The following GUCY1B1 variants were observed in gnomAD, a reference collection of about 807,000 sequenced individuals.
GUCY1B1 encodes guanylate cyclase soluble subunit beta-1.
GUCY1B1 carries 43 observed loss-of-function variants against 71.0 expected under a neutral mutation model. The observed-to-expected ratio is 0.61, with a 90% CI of 0.47 to 0.78. The LOEUF (loss-of-function observed/expected upper bound fraction) is 0.78. GUCY1B1 is among the 30% of genes least tolerant of loss of function. The probability of loss-of-function intolerance (pLI) is 0.00; values close to 1 mark genes in which losing one functional copy is unlikely to be tolerated. For missense variants in GUCY1B1, 535 were observed against 754.1 expected, an observed-to-expected ratio of 0.71 and a Z score of 3.40; for synonymous variants, 266 against 259.7, an observed-to-expected ratio of 1.02 and a Z score of -0.23.
chr4:155,776,260 T>C (rs1738034665), intron 3 of GUCY1B1, among the ~76,000 whole-genome samples: 1 of 152,214 alleles, frequency 6.6e-6, no homozygotes, highest in African/African-American at 2.4e-5. Context: ...AAATAAATTA[T>C]TAGATCTCTT....
At position 155,774,431 on chromosome 4, in the gene GUCY1B1, G is replaced by A. The variant is rs183672703; in HGVS notation, c.78-537G>A. Among the ~76,000 whole-genome samples the A allele has an allele frequency of 2.1e-3, 321 of 152,138 alleles. 3 individuals carry two copies. The highest frequency in any genetic ancestry group is 2.9e-3 in the Non-Finnish European group (196 of 68,002). ...CCAGCTTCTCAGTGAGGCCTTCCTG[G>A]CTGCTGTCCTTGAGCTCTCCACTGC... On this transcript the variant is annotated intron_variant, in intron 2 of 13. Transcript: ENST00000264424.
At chr4:155,773,611 C>A (rs1230277861) in intron 2 of GUCY1B1, among the ~76,000 whole-genome samples, 1 of 152,184 alleles carries the variant, frequency 6.6e-6, no homozygotes, top group Admixed American at 6.5e-5. Flanking sequence ...TCCAACAAGT[C>A]TTTCCCAATT....
intron 4 of GUCY1B1, among the ~76,000 whole-genome samples, chr4:155,787,918 T>A (rs1738906220): frequency 6.6e-6 from 1 of 152,228 alleles, no homozygotes; most frequent in South Asian, 2.1e-4. Flanking sequence ...TTGGCATATC[T>A]CCAGTACTTT....
chr4:155,786,759 C>T (rs1213963420), intron 4 of GUCY1B1, among the ~76,000 whole-genome samples: 3 of 151,660 alleles, frequency 2.0e-5, no homozygotes, highest in African/African-American at 4.8e-5. Context: ...AGGTGTGAGG[C>T]ACCGCGCCTG....
At chr4:155,777,344 G>A (rs954222715) in intron 3 of GUCY1B1, among the ~76,000 whole-genome samples, 180 bp from the exon 4 acceptor site, 3 of 152,094 alleles carry the variant, frequency 2.0e-5, no homozygotes, top group African/African-American at 7.2e-5. Flanking sequence ...ATGTTTATAC[G>A]TTGTCTTCTC....
At chr4:155,793,771 T>C (rs1038203588) in intron 5 of GUCY1B1, 85 bp from the exon 6 acceptor site, 3 of 656,930 alleles carry the variant, frequency 4.6e-6, no homozygotes. Flanking sequence ...CTAAATGCAG[T>C]ATTCATAACT....
Position 155,803,630 on chromosome 4 carries a change from A to T in GUCY1B1, c.1420A>T (p.Thr474Ser). ...RKNPFVYKVE[T>S]VGDKYMTVSG... ...TAAATATATGTACTGTTAGGTGGAG[A>T]CTGTTGGTGACAAGTATATGACAGT... The change falls in exon 11 of 14, where the codon ACT becomes TCT. Residue 474 changes from threonine to serine, a missense_variant. Physicochemically the swap from Thr to Ser is moderately conservative, Grantham distance 58 (BLOSUM62 1). Transcript: ENST00000264424. 1 of 1,581,466 alleles carries T rather than the reference A, an allele frequency of 6.3e-7. No individual in the cohort carries two copies. The highest frequency in any genetic ancestry group is 8.6e-7 in the Non-Finnish European group (1 of 1,164,172).
Position 155,793,841 on chromosome 4 carries a change from C to A in GUCY1B1, c.496-15C>A. ...AATGAAGACAATTCATGCCATTTCC[C>A]CCTTTGATATCCAGGTTATTCAGCA... On this transcript the variant is annotated splice_polypyrimidine_tract_variant and intron_variant, in intron 5 of 13. Transcript: ENST00000264424. 1 of 1,102,624 alleles carries A rather than the reference C, an allele frequency of 9.1e-7. No homozygotes were observed. The highest frequency in any genetic ancestry group is 1.4e-6 in the Non-Finnish European group (1 of 717,880). The allele number at this position is 1,102,624 out of a possible 1,614,324, so 68.3% of individuals were successfully genotyped here.
At chr4:155,790,643 G>A (rs1739093402) in intron 5 of GUCY1B1, among the ~76,000 whole-genome samples, 2 of 152,172 alleles carry the variant, frequency 1.3e-5, no homozygotes, top group Non-Finnish European at 2.9e-5. Flanking sequence ...CCAAAGTGGG[G>A]AGATAGATAC....
chr4:155,783,867 T>A (rs1165763198), intron 4 of GUCY1B1, among the ~76,000 whole-genome samples: 3 of 152,204 alleles, frequency 2.0e-5, no homozygotes, highest in African/African-American at 7.2e-5. Flanking sequence ...TTTCTCAGCA[T>A]CCACAACGCC....
intron 2 of GUCY1B1, 52 bp downstream of exon 2, chr4:155,759,912 G>C: frequency 7.3e-7 from 1 of 1,363,058 alleles, no homozygotes; most frequent in Non-Finnish European, 1.0e-6. Context: ...CAGTGTGGGA[G>C]GCCCCCCGCG....
Position 155,794,072 on chromosome 4 carries a change from A to G in GUCY1B1, c.712A>G (p.Arg238Gly). 3 of 1,587,432 alleles carry G rather than the reference A, an allele frequency of 1.9e-6. No homozygotes were observed. In the South Asian group the frequency reaches 3.3e-5, roughly 18 times the overall value. The stretch of plus-strand genomic sequence containing the variant: ...CACTCAGTGTGGCAATGCTATATAC[A>G]GAGTTCTCCCCCAGGTAAAATGACA... ...VVTQCGNAIY[R>G]VLPQLQPGNC... The change falls in exon 6 of 14, where the codon AGA (arginine) becomes GGA (glycine). Residue 238 changes from arginine to glycine, a missense_variant. By Grantham distance (125) the Arg-to-Gly change is moderately radical. Coordinates refer to ENST00000264424, the MANE Select transcript of GUCY1B1 (RefSeq NM_000857.5).
intron 2 of GUCY1B1, among the ~76,000 whole-genome samples, chr4:155,772,998 T>C (rs944777884): frequency 6.6e-6 from 1 of 152,244 alleles, no homozygotes; most frequent in African/African-American, 2.4e-5. Context: ...GCAGCTGTGA[T>C]AGCACAGCTT....
At chr4:155,783,320 A>G (rs1365707596) in intron 4 of GUCY1B1, among the ~76,000 whole-genome samples, 2 of 152,194 alleles carry the variant, frequency 1.3e-5, no homozygotes, top group African/African-American at 4.8e-5. Context: ...TACCTCCCCT[A>G]CAAATTTACA....
At chr4:155,777,483 C>A (rs749599853) in intron 3 of GUCY1B1, 41 bp from the exon 4 acceptor site, 8 of 963,688 alleles carry the variant, frequency 8.3e-6, no homozygotes, top group Non-Finnish European at 1.4e-5. Context: ...AATATTTCAC[C>A]TATTATATGC....
intron 2 of GUCY1B1, among the ~76,000 whole-genome samples, chr4:155,762,877 A>G (rs1003788425): frequency 6.6e-6 from 1 of 152,248 alleles, no homozygotes; most frequent in Non-Finnish European, 1.5e-5. Flanking sequence ...CATGTGATCC[A>G]TGGGCTATAG....
intron 4 of GUCY1B1, among the ~76,000 whole-genome samples, chr4:155,783,511 A>C (rs905096262): frequency 6.6e-6 from 1 of 152,250 alleles, no homozygotes; most frequent in Non-Finnish European, 1.5e-5. Context: ...TGGCTTCTTC[A>C]ACTAACCTTG....
At position 155,806,488 on chromosome 4, in the gene GUCY1B1, C is replaced by A; in HGVS notation, c.*79C>A. 2 of 910,912 alleles carry A rather than the reference C, an allele frequency of 2.2e-6. No homozygotes were observed. Among genetic ancestry groups the A allele is most frequent in the South Asian group, 1.4e-5 (1 of 72,020 alleles). The allele number at this position is 910,912 out of a possible 1,614,324, so 56.4% of individuals were successfully genotyped here. A position where few individuals can be genotyped will look rare whatever the true frequency, so the allele number is the denominator to read the frequency against. ...ACACGTGCCAAGCCCAGGAGCAGTT[C>A]TTCCCTATGGATACAGATTTTCTTT... is the stretch of plus-strand genomic sequence containing the variant. On this transcript the variant is annotated 3_prime_UTR_variant, in exon 14 of 14. Transcript: ENST00000264424.
Position 155,807,379 on chromosome 4 carries a change from C to T in GUCY1B1, c.*970C>T, listed in dbSNP as rs1450021391. 1.3e-5 allele frequency: 2 copies of T among 152,124 alleles called. No homozygotes were observed. The highest frequency in any genetic ancestry group is 1.3e-4 in the Admixed American group (2 of 15,230). 9.4% of individuals were successfully genotyped at this position (152,124 alleles called of 1,614,324 possible). ...TTCAGAAAACTTAGTTTACTTTCAG[C>T]ATAGAATGCATTACTGTTGGAATAA... On this transcript the variant is annotated 3_prime_UTR_variant, in exon 14 of 14. Transcript: ENST00000264424.
Sources: allele counts gnomAD v4.1 joint callset (sites outside exome capture counted in the v4.1 genomes callset), GRCh38; gene constraint gnomAD v4.1.1; transcripts MANE v1.5; gene names NCBI Gene and HGNC (gene_info 2026-07-23, HGNC 2026-07-21).